The following SDK1 variants were observed in gnomAD, a reference collection of about 807,000 sequenced individuals.
SDK1 encodes the protein sidekick cell adhesion molecule 1.
SDK1 carries 157 observed loss-of-function variants against 245.5 expected under a neutral mutation model. The observed-to-expected ratio is 0.64, with a 90% CI of 0.56 to 0.73. The LOEUF (loss-of-function observed/expected upper bound fraction) is 0.73. SDK1 is among the 30% of genes least tolerant of loss of function. SDK1 has a pLI of 0.00. For synonymous variants in SDK1, 1,647 were observed against 1,278.5 expected (o/e 1.29, Z -6.15); for missense variants, 3,583 against 3,002.3 (o/e 1.19, Z -4.52).
intron 19 of SDK1, 43 bp downstream of exon 19, chr7:4,051,873 G>C: frequency 6.4e-7 from 1 of 1,563,164 alleles, no homozygotes; most frequent in Non-Finnish European, 8.7e-7. Flanking sequence ...ACTTGTCAAA[G>C]AGGTGTATAC....
At chr7:3,604,128 A>T (rs567071307) in intron 1 of SDK1, among the ~76,000 whole-genome samples, 3 of 152,266 alleles carry the variant, frequency 2.0e-5, no homozygotes, top group South Asian at 4.1e-4. Context: ...CATCAAGGCT[A>T]TTGGTCTAAA....
At chr7:3,825,482 C>T (rs1257356871) in intron 5 of SDK1, among the ~76,000 whole-genome samples, 5 of 152,156 alleles carry the variant, frequency 3.3e-5, no homozygotes, top group South Asian at 2.1e-4. Flanking sequence ...AGGGATGAAG[C>T]TTGGATTAAA....
chr7:3,379,335 G>C (rs1022405688), intron 1 of SDK1, among the ~76,000 whole-genome samples: 3 of 152,082 alleles, frequency 2.0e-5, no homozygotes, highest in Non-Finnish European at 4.4e-5. Flanking sequence ...GTTGCCCTGC[G>C]CTGAGGGGGC....
intron 28 of SDK1, among the ~76,000 whole-genome samples, chr7:4,144,206 C>G (rs554346360): frequency 1.3e-5 from 2 of 152,122 alleles, no homozygotes; most frequent in Non-Finnish European, 1.5e-5. Flanking sequence ...CAGTCAGTGA[C>G]TGGGAAGGAA....
chr7:3,411,370 C>T (rs894614024), intron 1 of SDK1, among the ~76,000 whole-genome samples: 4 of 152,242 alleles, frequency 2.6e-5, no homozygotes, highest in African/African-American at 7.2e-5. Context: ...GGAGCAAAAA[C>T]GGTTGACTAC....
At chr7:3,463,528 G>T (rs1780897295) in intron 1 of SDK1, among the ~76,000 whole-genome samples, 1 of 152,192 alleles carries the variant, frequency 6.6e-6, no homozygotes, top group Non-Finnish European at 1.5e-5. Flanking sequence ...ATAATTGAAT[G>T]AAAAGTGCAT....
intron 1 of SDK1, among the ~76,000 whole-genome samples, chr7:3,497,555 C>G (rs775192591): frequency 2.6e-5 from 4 of 152,116 alleles, no homozygotes; most frequent in Non-Finnish European, 5.9e-5. Flanking sequence ...CATATATGAT[C>G]TTGTCTCAAC....
At chr7:4,074,649 C>G (rs1457122184) in intron 20 of SDK1, among the ~76,000 whole-genome samples, 4 of 151,642 alleles carry the variant, frequency 2.6e-5, no homozygotes, top group African/African-American at 9.7e-5. Flanking sequence ...TCGCTTGATA[C>G]CAGGAGTTTG....
intron 1 of SDK1, among the ~76,000 whole-genome samples, chr7:3,512,030 GT>G (rs1332599819): frequency 6.6e-6 from 1 of 151,530 alleles, no homozygotes; most frequent in Admixed American, 6.6e-5. Context: ...TTCTCTGGGT[GT>G]GGGTGAATTT....
intron 4 of SDK1, among the ~76,000 whole-genome samples, chr7:3,697,769 A>G (rs570085257): frequency 6.6e-6 from 1 of 152,296 alleles, no homozygotes; most frequent in East Asian, 1.9e-4. Context: ...TCTATGTGGT[A>G]ATGATCCTTG....
At chr7:3,499,630 A>G (rs966498566) in intron 1 of SDK1, among the ~76,000 whole-genome samples, 1 of 152,222 alleles carries the variant, frequency 6.6e-6, no homozygotes, top group African/African-American at 2.4e-5. Context: ...TGTTTTAAAA[A>G]TGGAGTAACT....
At chr7:3,921,583 G>A (rs1779588538) in intron 5 of SDK1, among the ~76,000 whole-genome samples, 1 of 152,182 alleles carries the variant, frequency 6.6e-6, no homozygotes, top group South Asian at 2.1e-4. Flanking sequence ...TAAAAGTAGA[G>A]GGAGGGGATT....
chr7:3,549,719 A>G (rs1779340004), intron 1 of SDK1, among the ~76,000 whole-genome samples: 1 of 152,338 alleles, frequency 6.6e-6, no homozygotes, highest in South Asian at 2.1e-4. Context: ...TTGGCTCTGA[A>G]CAAGAATGCT....
chr7:3,439,591 G>T (rs1231944277), intron 1 of SDK1, among the ~76,000 whole-genome samples: 4 of 152,206 alleles, frequency 2.6e-5, no homozygotes, highest in African/African-American at 7.2e-5. Flanking sequence ...TTGTGGGAAT[G>T]TCCTGGGATG....
intron 10 of SDK1, among the ~76,000 whole-genome samples, chr7:3,967,989 G>T (rs1239503103): frequency 1.3e-5 from 2 of 152,184 alleles, no homozygotes; most frequent in Non-Finnish European, 2.9e-5. Context: ...AAAAAGAGAA[G>T]GATTGTGCAA....
intron 7 of SDK1, chr7:3,958,058 G>C: frequency 2.1e-6 from 1 of 469,498 alleles, no homozygotes; most frequent in South Asian, 1.6e-5. Flanking sequence ...TTGTTTTAAA[G>C]ATACAGTCAA....
At chr7:4,065,694 G>GTTGTTGT (rs1779841876) in intron 19 of SDK1, among the ~76,000 whole-genome samples, 2 of 66,722 alleles carry the variant, frequency 3.0e-5, no homozygotes, top group African/African-American at 6.8e-5. Context: ...AGTGGTTGTT[G>GTTGTTGT]TTTTTTTTTT....
intron 36 of SDK1, 92 bp downstream of exon 36, chr7:4,206,086 C>T (rs1303681648): frequency 4.8e-5 from 39 of 810,634 alleles, no homozygotes; most frequent in South Asian, 1.1e-4. Flanking sequence ...CAGCAGACCC[C>T]GCAGGCGCTC....
At chr7:3,830,015 C>T (rs1436387265) in intron 5 of SDK1, among the ~76,000 whole-genome samples, 3 of 152,104 alleles carry the variant, frequency 2.0e-5, no homozygotes, top group Non-Finnish European at 4.4e-5. Context: ...GTTTTGTTAT[C>T]AGTAATGCAT....
Sources: allele counts gnomAD v4.1 joint callset (sites outside exome capture counted in the v4.1 genomes callset), GRCh38; gene constraint gnomAD v4.1.1; transcripts MANE v1.5; gene names NCBI Gene and HGNC (gene_info 2026-07-23, HGNC 2026-07-21).